SGCD: variants seen among roughly 807,000 people sequenced by gnomAD.
The protein encoded by SGCD is delta-sarcoglycan.
SGCD carries 18 observed loss-of-function variants against 36.6 expected under a neutral mutation model. That is an observed-to-expected ratio of 0.49 (90% CI 0.34 to 0.73). The LOEUF (loss-of-function observed/expected upper bound fraction) is 0.73, where lower values mean the gene tolerates loss of function less well. Among genes scored for constraint, SGCD ranks in the 30% least tolerant of loss-of-function variants. The pLI is 0.01. For missense variants in SGCD, 387 were observed against 346.7 expected (o/e 1.12, Z -0.92); for synonymous variants, 133 against 130.6 (o/e 1.02, Z -0.12).
chr5:156,006,408 C>T (rs1415909209), intron 1 of SGCD, among the ~76,000 whole-genome samples: 1 of 152,060 alleles, frequency 6.6e-6, no homozygotes, highest in African/African-American at 2.4e-5. Context: ...TCAAACAGGG[C>T]GATAGCTATT....
chr5:156,480,479 C>T (rs1180018404), intron 3 of SGCD, among the ~76,000 whole-genome samples: 1 of 152,186 alleles, frequency 6.6e-6, no homozygotes, highest in Non-Finnish European at 1.5e-5. Context: ...TCTAATTAAA[C>T]CAACTTATTT....
the SGCD span, among the ~76,000 whole-genome samples, chr5:155,743,853 C>G: frequency 6.6e-6 from 1 of 152,184 alleles, no homozygotes; most frequent in African/African-American, 2.4e-5. Context: ...AAGAATCAGC[C>G]TTGAGCAAGC....
chr5:156,337,905 C>G (rs1768442316), intron 2 of SGCD, among the ~76,000 whole-genome samples: 1 of 152,160 alleles, frequency 6.6e-6, no homozygotes, highest in African/African-American at 2.4e-5. Flanking sequence ...TGCCATGTCT[C>G]TCCCTGACAG....
rs148399742 is a variant in SGCD at position 156,151,498 on chromosome 5, T to C, written c.-44+27479T>C. On this transcript the variant is annotated intron_variant, in intron 3 of 9. Coordinates refer to the SGCD transcript ENST00000517913. ...TTTTATTCCTTATATTAAATTTATA[T>C]TTATAGTGCAGAATTTACAAACCAG... Among the ~76,000 whole-genome samples the C allele has an allele frequency of 9.1e-3, 1,374 of 151,742 alleles. 64 individuals carry two copies. The highest frequency in any genetic ancestry group is 0.032 in the African/African-American group (1,323 of 41,034).
At chr5:155,914,648 C>T (rs1469249566) in intron 1 of SGCD, among the ~76,000 whole-genome samples, 1 of 152,116 alleles carries the variant, frequency 6.6e-6, no homozygotes, top group African/African-American at 2.4e-5. Context: ...TTAAAAACAC[C>T]TCCAAACTTC....
At chr5:156,032,713 A>C (rs1324305324) in intron 1 of SGCD, among the ~76,000 whole-genome samples, 3 of 140,934 alleles carry the variant, frequency 2.1e-5, no homozygotes, top group Non-Finnish European at 4.5e-5. Flanking sequence ...TCTCAAAAAA[A>C]AAAAAAAAAA....
chr5:156,009,847 T>G (rs1178570985), intron 1 of SGCD, among the ~76,000 whole-genome samples: 1 of 152,216 alleles, frequency 6.6e-6, no homozygotes, highest in South Asian at 2.1e-4. Context: ...ACTGTCTATA[T>G]TGATAATCCA....
chr5:155,962,907 C>T (rs1275082012), intron 1 of SGCD, among the ~76,000 whole-genome samples: 1 of 152,108 alleles, frequency 6.6e-6, no homozygotes, highest in Non-Finnish European at 1.5e-5. Flanking sequence ...GCCCTCATTT[C>T]GGCAACTCTG....
chr5:156,156,669 C>A (rs948232733), intron 3 of SGCD, among the ~76,000 whole-genome samples: 1 of 151,266 alleles, frequency 6.6e-6, no homozygotes, highest in African/African-American at 2.5e-5. Flanking sequence ...CAGAACACCC[C>A]AAACCTATCG....
At chr5:156,177,904 A>G (rs1166871128) in intron 3 of SGCD, among the ~76,000 whole-genome samples, 1 of 152,220 alleles carries the variant, frequency 6.6e-6, no homozygotes, top group African/African-American at 2.4e-5. Context: ...GGCAGCATTA[A>G]GGATGAGGAC....
intron 6 of SGCD, among the ~76,000 whole-genome samples, chr5:156,627,908 A>T (rs924268520): frequency 6.6e-6 from 1 of 152,192 alleles, no homozygotes; most frequent in Non-Finnish European, 1.5e-5. Context: ...TGCAAAGATG[A>T]AGTGTGTGTT....
chr5:156,574,166 A>G (rs1384790337), intron 4 of SGCD, among the ~76,000 whole-genome samples: 1 of 152,150 alleles, frequency 6.6e-6, no homozygotes, highest in Non-Finnish European at 1.5e-5. Context: ...AATTAAGTTA[A>G]ACACCTGCTT....
chr5:156,308,895 T>C (rs1391744293), intron 3 of SGCD, among the ~76,000 whole-genome samples: 2 of 152,244 alleles, frequency 1.3e-5, no homozygotes, highest in African/African-American at 2.4e-5. Flanking sequence ...TTTAATTTTT[T>C]TTCTCACTTT....
the SGCD span, among the ~76,000 whole-genome samples, chr5:155,818,458 G>C: frequency 6.6e-6 from 1 of 152,126 alleles, no homozygotes; most frequent in Non-Finnish European, 1.5e-5. Context: ...TAGGAGAGGA[G>C]AGGGGTGCAG....
chr5:156,263,123 C>T (rs1437555027), intron 3 of SGCD, among the ~76,000 whole-genome samples: 1 of 151,964 alleles, frequency 6.6e-6, no homozygotes. Context: ...GGTAGATACC[C>T]AGTTGTAGGA....
chr5:156,069,428 A>T (rs1760459822), intron 1 of SGCD, among the ~76,000 whole-genome samples: 1 of 152,202 alleles, frequency 6.6e-6, no homozygotes, highest in Admixed American at 6.5e-5. Context: ...AAGATCAGAT[A>T]GTTGTAGATA....
chr5:156,616,546 G>A (rs1270586886), intron 6 of SGCD, among the ~76,000 whole-genome samples: 1 of 152,146 alleles, frequency 6.6e-6, no homozygotes, highest in African/African-American at 2.4e-5. Flanking sequence ...GGGTATTAGT[G>A]GAAAATACTT....
At chr5:156,167,852 A>G (rs1357293058) in intron 3 of SGCD, among the ~76,000 whole-genome samples, 1 of 152,202 alleles carries the variant, frequency 6.6e-6, no homozygotes, top group Non-Finnish European at 1.5e-5. Context: ...TTTATAAATC[A>G]CCCAGTCTCA....
At chr5:155,833,298 A>G in the SGCD span, among the ~76,000 whole-genome samples, 1 of 152,112 alleles carries the variant, frequency 6.6e-6, no homozygotes, top group Non-Finnish European at 1.5e-5. Flanking sequence ...TGCAGTGCTT[A>G]TTTCTATAGA....
Sources: allele counts gnomAD v4.1 joint callset (sites outside exome capture counted in the v4.1 genomes callset), GRCh38; gene constraint gnomAD v4.1.1; transcripts MANE v1.5; gene names NCBI Gene and HGNC (gene_info 2026-07-23, HGNC 2026-07-21).